TAX1BP1: variants seen among roughly 807,000 people sequenced by gnomAD.
The protein encoded by TAX1BP1 is tax1-binding protein 1.
Under a neutral mutation model 97.7 loss-of-function variants are expected in TAX1BP1, and 62 were observed. That is an observed-to-expected ratio of 0.63 (90% CI 0.52 to 0.78). TAX1BP1 has a LOEUF of 0.78. Ranked by LOEUF, TAX1BP1 falls within the 30% of genes least tolerant of loss-of-function variation. The probability of loss-of-function intolerance (pLI) is 0.00; values close to 1 mark genes in which losing one functional copy is unlikely to be tolerated. For missense variants in TAX1BP1, 867 were observed against 916.1 expected, an observed-to-expected ratio of 0.95 and a Z score of 0.69; for synonymous variants, 340 against 304.2, an observed-to-expected ratio of 1.12 and a Z score of -1.23.
At chr7:27,787,643 A>C (rs1199561616) in intron 8 of TAX1BP1, 40 bp downstream of exon 8, 1 of 1,514,262 alleles carries the variant, frequency 6.6e-7, no homozygotes, top group Non-Finnish European at 8.9e-7. Context: ...ATTGTAAAAC[A>C]TACCTATGAA....
chr7:27,754,928 CATGCCTTTTTTA>C (rs1302809964), intron 2 of TAX1BP1, among the ~76,000 whole-genome samples: 2 of 152,112 alleles, frequency 1.3e-5, no homozygotes, highest in Non-Finnish European at 2.9e-5. Context: ...TGGCATATCT[CATGCCTTTTTTA>C]ATGCCGTGAT....
intron 13 of TAX1BP1, among the ~76,000 whole-genome samples, chr7:27,802,882 T>C (rs2128321002): frequency 6.6e-6 from 1 of 152,268 alleles, no homozygotes; most frequent in South Asian, 2.1e-4. Flanking sequence ...CATGGGATGA[T>C]GAAAATATTC....
intron 15 of TAX1BP1, among the ~76,000 whole-genome samples, chr7:27,817,479 C>T (rs1790821578): frequency 6.6e-6 from 1 of 152,088 alleles, no homozygotes; most frequent in African/African-American, 2.4e-5. Flanking sequence ...TTAGTGTGGA[C>T]TCTTCATTAT....
chr7:27,741,119 CAG>C (rs1787580039), intron 1 of TAX1BP1, among the ~76,000 whole-genome samples: 2 of 152,314 alleles, frequency 1.3e-5, no homozygotes, highest in East Asian at 1.9e-4. Context: ...CGGTTTCACA[CAG>C]TGGTTATGAA....
chr7:27,789,815 T>C (rs1339771181), intron 8 of TAX1BP1, among the ~76,000 whole-genome samples: 1 of 152,044 alleles, frequency 6.6e-6, no homozygotes, highest in African/African-American at 2.4e-5. Flanking sequence ...TGGTTAATCC[T>C]TGTTACTTTT....
intron 15 of TAX1BP1, among the ~76,000 whole-genome samples, chr7:27,821,327 C>T (rs2128326256): frequency 6.6e-6 from 1 of 152,076 alleles, no homozygotes; most frequent in African/African-American, 2.4e-5. Flanking sequence ...AAATTCAGGC[C>T]ATCTTAGAAA....
intron 15 of TAX1BP1, among the ~76,000 whole-genome samples, chr7:27,822,381 G>C (rs1791011240): frequency 6.6e-6 from 1 of 152,166 alleles, no homozygotes; most frequent in Non-Finnish European, 1.5e-5. Context: ...TGCTGTAGTG[G>C]AAATCCTAGG....
rs1329827925 is a variant in TAX1BP1, at chr7:27,752,172, A to G, written c.162+3486A>G. Reference sequence around the variant, plus strand: ...TTTCTATGTGAGATAATGAAAGCCTAAAGTGGAGAAGGAAGTAAGTTGTGT... The same window carrying G: ...TTTCTATGTGAGATAATGAAAGCCTGAAGTGGAGAAGGAAGTAAGTTGTGT... On this transcript the variant is annotated intron_variant, in intron 2 of 16. Coordinates refer to ENST00000396319, the MANE Select transcript of TAX1BP1 (RefSeq NM_006024.7). Among the ~76,000 whole-genome samples, 3 of 142,854 alleles carry G rather than the reference A, an allele frequency of 2.1e-5. No individual in the cohort carries two copies. In the East Asian group the frequency reaches 6.2e-4, roughly 30 times the overall value. 93.7% of individuals were successfully genotyped at this position (142,854 alleles called of 152,430 possible).
intron 1 of TAX1BP1, among the ~76,000 whole-genome samples, chr7:27,747,516 A>G (rs1305479191): frequency 2.0e-5 from 3 of 152,196 alleles, no homozygotes; most frequent in Non-Finnish European, 2.9e-5. Flanking sequence ...CGTGAATACT[A>G]GAAGTTGAGG....
intron 5 of TAX1BP1, among the ~76,000 whole-genome samples, chr7:27,770,836 A>G (rs1411746376): frequency 6.6e-6 from 1 of 152,112 alleles, no homozygotes; most frequent in East Asian, 1.9e-4. Flanking sequence ...TACTATGTAC[A>G]TTTACAAATC....
In TAX1BP1 at chr7:27,782,232, G is replaced by GTTTTA. The variant is rs113358895; in HGVS notation, c.613-2916_613-2912dup. Among the ~76,000 whole-genome samples, 27 of 151,330 alleles carry GTTTTA rather than the reference G, an allele frequency of 1.8e-4. 1 individual carries two copies. In the South Asian group the frequency reaches 5.6e-3, roughly 32 times the overall value. On this transcript the variant is annotated intron_variant, in intron 5 of 16. Coordinates refer to ENST00000396319, the MANE Select transcript of TAX1BP1 (RefSeq NM_006024.7). Reference sequence around the variant, plus strand: ...TAAAAACTTTTTGTTTTCTTTTCTTGTTTTATTTTATTTTATTTTTTTGAG... The same window carrying GTTTTA: ...TAAAAACTTTTTGTTTTCTTTTCTTGTTTTATTTTATTTTATTTTATTTTTTTGAG...
At chr7:27,743,794 T>A (rs1433696343) in intron 1 of TAX1BP1, among the ~76,000 whole-genome samples, 3,661 of 6,094 alleles carry the variant, frequency 0.6, 1,371 homozygotes, top group East Asian at 0.95. Flanking sequence ...TTTTTTTTTT[T>A]TTTTTTTTTT....
Position 27,785,488 on chromosome 7 carries a change from A to G in TAX1BP1, c.851A>G (p.Lys284Arg). 2 of 1,607,052 alleles carry G rather than the reference A, an allele frequency of 1.2e-6. No homozygotes were observed. Among genetic ancestry groups the G allele is most frequent in the South Asian group, 1.1e-5 (1 of 89,820 alleles). Residue 284 changes from lysine (K) to arginine (R), a missense_variant and splice_region_variant, in exon 7 of 17, where the codon AAG (lysine) becomes AGG (arginine). Lys to Arg is a conservative substitution (Grantham distance 26). Transcript: ENST00000396319. ...GAGAAGGATGAAAAGGAACTTTATA[A>G]GGTAATTTATTTTTTACCATATCTA... is the stretch of plus-strand genomic sequence containing the variant. ...KTEKDEKELY[K>R]VHLKNTEIEN...
intron 2 of TAX1BP1, among the ~76,000 whole-genome samples, chr7:27,751,858 G>C (rs1788030284): frequency 6.6e-6 from 1 of 151,924 alleles, no homozygotes; most frequent in African/African-American, 2.4e-5. Flanking sequence ...TTGCCATGTT[G>C]CCCGGGCTGG....
chr7:27,812,136 CT>C (rs1226234901), intron 13 of TAX1BP1, among the ~76,000 whole-genome samples: 1 of 152,186 alleles, frequency 6.6e-6, no homozygotes, highest in Non-Finnish European at 1.5e-5. Flanking sequence ...ATTCCAACTG[CT>C]CCATATCCTC....
chr7:27,814,203 C>A (rs1745516048), intron 13 of TAX1BP1, among the ~76,000 whole-genome samples: 1 of 150,944 alleles, frequency 6.6e-6, no homozygotes, highest in African/African-American at 2.4e-5. Context: ...ACAGTAGCAT[C>A]TCTGGGGTTT....
intron 4 of TAX1BP1, among the ~76,000 whole-genome samples, chr7:27,768,190 G>C (rs980913105): frequency 6.6e-6 from 1 of 151,988 alleles, no homozygotes; most frequent in African/African-American, 2.4e-5. Flanking sequence ...GTATTTAGGA[G>C]TGAAGTGTCT....
chr7:27,805,325 T>C (rs1266246109), intron 13 of TAX1BP1, among the ~76,000 whole-genome samples: 1 of 152,198 alleles, frequency 6.6e-6, no homozygotes, highest in Non-Finnish European at 1.5e-5. Context: ...TTTGGTTTGT[T>C]TTACTTATCT....
chr7:27,816,350 A>C lies in TAX1BP1; in HGVS notation c.1766A>C (p.Glu589Ala). The change falls in exon 14 of 17, where the codon GAA (glutamate) becomes GCA (alanine). Residue 589 changes from glutamate to alanine, a missense_variant and splice_region_variant. This residue lies in a region of TAX1BP1 where 822 missense variants were observed against 851.4 expected (regional missense o/e 0.97). Transcript: ENST00000396319. ...CATCTTTGTTTTTGTTAATTTTAGG[A>C]ACTTAAAAGGAGTCTAGAAAATCCA... ...ELAEVQDNYK[E>A]LKRSLENPAE... 1 of 1,559,844 alleles carries C rather than the reference A, an allele frequency of 6.4e-7. No individual in the cohort carries two copies. The highest frequency in any genetic ancestry group is 2.4e-5 in the East Asian group (1 of 42,118).
Sources: gnomAD v4.1 joint callset for allele counts (sites outside exome capture counted in the v4.1 genomes callset) on GRCh38, gnomAD v4.1.1 for gene constraint, gnomAD v4.1.1 regional missense constraint, MANE v1.5 for transcripts, NCBI Gene and HGNC (gene_info 2026-07-23, HGNC 2026-07-21) for gene names.